SEMA5A: variants seen among roughly 807,000 people sequenced by gnomAD.
SEMA5A encodes semaphorin-5A.
In SEMA5A, 55 loss-of-function variants were observed where a neutral mutation model predicts 135.5. The ratio of observed to expected loss-of-function variants is 0.41; its 90% confidence interval spans 0.33 to 0.51. The LOEUF (loss-of-function observed/expected upper bound fraction) is 0.51, where lower values mean the gene tolerates loss of function less well. Ranked by LOEUF, SEMA5A falls within the 20% of genes least tolerant of loss-of-function variation. The pLI, the probability that SEMA5A is intolerant of heterozygous loss-of-function variation, is 0.37. For synonymous variants in SEMA5A, 580 were observed against 546.5 expected (o/e 1.06, Z -0.85); for missense variants, 1,290 against 1,419.9 (o/e 0.91, Z 1.47).
At chr5:9,144,214 G>T (rs922186649) in intron 12 of SEMA5A, among the ~76,000 whole-genome samples, 11 of 152,140 alleles carry the variant, frequency 7.2e-5, no homozygotes, top group Non-Finnish European at 1.5e-4. Flanking sequence ...GGCTAATTAA[G>T]ATTTAAAATG....
chr5:9,303,815 A>G (rs965091574), intron 5 of SEMA5A, among the ~76,000 whole-genome samples: 2 of 152,234 alleles, frequency 1.3e-5, no homozygotes, highest in African/African-American at 2.4e-5. Flanking sequence ...CTTGAAAACT[A>G]TAAGTTTAAC....
intron 8 of SEMA5A, among the ~76,000 whole-genome samples, chr5:9,217,172 T>C (rs1746676320): frequency 1.3e-5 from 2 of 152,220 alleles, no homozygotes; most frequent in African/African-American, 4.8e-5. Flanking sequence ...AAGGCAAGTT[T>C]GGTGGTTAAC....
intron 1 of SEMA5A, among the ~76,000 whole-genome samples, chr5:9,461,416 C>G (rs1195566659): frequency 1.3e-5 from 2 of 152,188 alleles, no homozygotes; most frequent in Non-Finnish European, 2.9e-5. Context: ...GCCTGAAAAC[C>G]TCAGCTTGCC....
intron 2 of SEMA5A, among the ~76,000 whole-genome samples, chr5:9,407,170 A>C (rs1318135396): frequency 6.6e-6 from 1 of 152,214 alleles, no homozygotes; most frequent in Admixed American, 6.5e-5. Context: ...AGAAGGCAGA[A>C]TTGCTCTCCC....
chr5:9,125,140 G>T (rs928743924), intron 13 of SEMA5A, among the ~76,000 whole-genome samples: 8 of 152,122 alleles, frequency 5.3e-5, no homozygotes, highest in African/African-American at 1.9e-4. Flanking sequence ...CGTTGTTTTT[G>T]ACATGACCGG....
chr5:9,454,976 A>G (rs888728925), intron 1 of SEMA5A, among the ~76,000 whole-genome samples: 1 of 152,216 alleles, frequency 6.6e-6, no homozygotes, highest in African/African-American at 2.4e-5. Context: ...ATCCTAGAAG[A>G]CTAATTTCTA....
At chr5:9,275,466 T>C (rs1750208986) in intron 5 of SEMA5A, among the ~76,000 whole-genome samples, 1 of 152,104 alleles carries the variant, frequency 6.6e-6, no homozygotes, top group African/African-American at 2.4e-5. Context: ...GAGGGAATCC[T>C]CCCTAACTCA....
chr5:9,221,346 A>T (rs1448634150), intron 8 of SEMA5A, among the ~76,000 whole-genome samples: 5 of 125,786 alleles, frequency 4.0e-5, no homozygotes, highest in South Asian at 2.5e-4. Context: ...TGTGTCACCC[A>T]GGCTGGAGTG....
intron 1 of SEMA5A, among the ~76,000 whole-genome samples, chr5:9,515,094 C>G (rs1395150923): frequency 6.6e-6 from 1 of 152,174 alleles, no homozygotes; most frequent in Non-Finnish European, 1.5e-5. Context: ...TAAGCATGCT[C>G]AAAACATTCC....
At chr5:9,190,231 G>T (rs773446574) in intron 11 of SEMA5A, 36 bp downstream of exon 11, 2 of 1,589,766 alleles carry the variant, frequency 1.3e-6, no homozygotes, top group East Asian at 2.3e-5. Context: ...ATCAGAAGAT[G>T]GTAGAAAACC....
intron 4 of SEMA5A, among the ~76,000 whole-genome samples, chr5:9,331,106 A>G (rs1753112023): frequency 1.3e-5 from 2 of 152,236 alleles, no homozygotes; most frequent in South Asian, 4.1e-4. Context: ...GAAAAGACGA[A>G]TAAGTGTGGC....
At chr5:9,206,523 A>T (rs1746025985) in intron 8 of SEMA5A, among the ~76,000 whole-genome samples, 1 of 152,172 alleles carries the variant, frequency 6.6e-6, no homozygotes, top group Non-Finnish European at 1.5e-5. Context: ...ATCCAAAAGA[A>T]GCCTCCCATT....
intron 5 of SEMA5A, among the ~76,000 whole-genome samples, chr5:9,278,185 T>G (rs1579773727): frequency 6.6e-6 from 1 of 150,890 alleles, no homozygotes; most frequent in Non-Finnish European, 1.5e-5. Flanking sequence ...GGAAGTGGAG[T>G]GATGGCAACC....
chr5:9,324,514 ACTCC>A (rs1752782596), intron 4 of SEMA5A, among the ~76,000 whole-genome samples: 1 of 152,022 alleles, frequency 6.6e-6, no homozygotes, highest in Non-Finnish European at 1.5e-5. Context: ...CCCACATACA[ACTCC>A]AAATGCATTT....
intron 12 of SEMA5A, among the ~76,000 whole-genome samples, chr5:9,152,542 C>T (rs1441150402): frequency 6.6e-6 from 1 of 152,088 alleles, no homozygotes; most frequent in Non-Finnish European, 1.5e-5. Flanking sequence ...TGGCATTATT[C>T]CTCAACTCTC....
chr5:9,273,345 G>A (rs1189139751), intron 5 of SEMA5A, among the ~76,000 whole-genome samples: 1 of 152,120 alleles, frequency 6.6e-6, no homozygotes, highest in Admixed American at 6.5e-5. Flanking sequence ...TATGTGAAAA[G>A]ACTAAATCTA....
intron 2 of SEMA5A, among the ~76,000 whole-genome samples, chr5:9,393,570 T>TA (rs1335707685): frequency 4.6e-5 from 7 of 152,222 alleles, no homozygotes; most frequent in Admixed American, 4.6e-4. Context: ...AGCTTAAAAT[T>TA]ATATGAGTTA....
At chr5:9,156,615 T>G (rs1432352001) in intron 11 of SEMA5A, among the ~76,000 whole-genome samples, 1 of 152,120 alleles carries the variant, frequency 6.6e-6, no homozygotes, top group Non-Finnish European at 1.5e-5. Flanking sequence ...AACAGGAGCT[T>G]TCATAGAAGT....
chr5:9,275,726 G>GA (rs1223411602), intron 5 of SEMA5A, among the ~76,000 whole-genome samples: 3 of 151,906 alleles, frequency 2.0e-5, no homozygotes, highest in Non-Finnish European at 2.9e-5. Context: ...AAACCAATGA[G>GA]AAAAAACACA....
Sources: allele counts gnomAD v4.1 joint callset (sites outside exome capture counted in the v4.1 genomes callset), GRCh38; gene constraint gnomAD v4.1.1; transcripts MANE v1.5; gene names NCBI Gene and HGNC (gene_info 2026-07-23, HGNC 2026-07-21).